GRID1: variants seen among roughly 807,000 people sequenced by gnomAD.
The protein encoded by GRID1 is glutamate ionotropic receptor delta type subunit 1.
A neutral mutation model predicts 98.0 loss-of-function variants in GRID1; 28 were observed. The ratio of observed to expected loss-of-function variants is 0.29; its 90% CI spans 0.21 to 0.39. The LOEUF is 0.39. GRID1 is among the 10% of genes least tolerant of loss of function. The probability of loss-of-function intolerance (pLI) is 1.00; values close to 1 mark genes in which losing one functional copy is unlikely to be tolerated. For synonymous variants in GRID1, 553 were observed against 538.5 expected (o/e 1.03, Z -0.37); for missense variants, 1,111 against 1,340.5 (o/e 0.83, Z 2.67).
intron 3 of GRID1, among the ~76,000 whole-genome samples, chr10:86,143,481 C>A (rs535045785): frequency 1.3e-5 from 2 of 152,292 alleles, no homozygotes; most frequent in South Asian, 2.1e-4. Flanking sequence ...ACTTCCCCCA[C>A]TGGGCCACAC....
chr10:85,802,559 T>C (rs1842586306), intron 8 of GRID1, among the ~76,000 whole-genome samples: 1 of 152,054 alleles, frequency 6.6e-6, no homozygotes, highest in African/African-American at 2.4e-5. Flanking sequence ...CCAACTCATA[T>C]TATGCACAAA....
chr10:85,723,393 G>A (rs760670519), intron 11 of GRID1, among the ~76,000 whole-genome samples: 9 of 152,178 alleles, frequency 5.9e-5, no homozygotes, highest in Non-Finnish European at 1.2e-4. Context: ...TGGTGCGAAG[G>A]TTGTCAAAAC....
intron 2 of GRID1, among the ~76,000 whole-genome samples, chr10:86,270,645 G>A (rs1564724954): frequency 6.6e-6 from 1 of 152,072 alleles, no homozygotes; most frequent in Non-Finnish European, 1.5e-5. Flanking sequence ...AGCCGAGATT[G>A]TGCCACTGCA....
At chr10:85,832,387 T>G (rs1432903934) in intron 8 of GRID1, among the ~76,000 whole-genome samples, 1 of 152,050 alleles carries the variant, frequency 6.6e-6, no homozygotes, top group Non-Finnish European at 1.5e-5. Context: ...ATAAGAAAAT[T>G]TCAGACAAAT....
intron 2 of GRID1, among the ~76,000 whole-genome samples, chr10:86,221,283 T>C (rs909283033): frequency 4.6e-5 from 7 of 152,200 alleles, no homozygotes; most frequent in African/African-American, 1.7e-4. Flanking sequence ...AGAGGAACTT[T>C]AGAGAATCCT....
intron 3 of GRID1, among the ~76,000 whole-genome samples, chr10:86,172,159 C>T (rs931960853): frequency 1.1e-4 from 17 of 152,174 alleles, no homozygotes; most frequent in Admixed American, 2.0e-4. Flanking sequence ...TCTCTACACT[C>T]CCCTACCCCC....
At chr10:86,026,511 T>G (rs1843119092) in intron 4 of GRID1, among the ~76,000 whole-genome samples, 1 of 152,166 alleles carries the variant, frequency 6.6e-6, no homozygotes, top group African/African-American at 2.4e-5. Flanking sequence ...CAGGCTCGCT[T>G]TTGTTGAAAT....
At chr10:86,340,387 T>G (rs1001546676) in intron 2 of GRID1, among the ~76,000 whole-genome samples, 3 of 152,310 alleles carry the variant, frequency 2.0e-5, no homozygotes, top group Admixed American at 6.5e-5. Context: ...GCAGAAAACG[T>G]GCACCACGGA....
At chr10:86,108,629 T>G (rs944511308) in intron 4 of GRID1, among the ~76,000 whole-genome samples, 1 of 152,196 alleles carries the variant, frequency 6.6e-6, no homozygotes, top group African/African-American at 2.4e-5. Context: ...TCACATGCCA[T>G]CCCCAGCACC....
chr10:85,620,001 A>T lies in GRID1; in HGVS notation c.2226T>A (p.Asp742Glu). ...AKKGNYAFLW[D>E]VAVVEYAALT... Reference sequence around the variant, plus strand: ...GGGCTGCGTATTCCACCACGGCCACATCCCACAGGAAGGCGTAGTTCCCCT... The same window carrying T: ...GGGCTGCGTATTCCACCACGGCCACTTCCCACAGGAAGGCGTAGTTCCCCT... The change falls in exon 14 of 16, where the codon GAT (aspartate) becomes GAA (glutamate). Residue 742 changes from aspartate (D) to glutamate (E), a missense_variant. Transcript: ENST00000327946. 6.2e-7 allele frequency: 1 copy of T among 1,614,144 alleles called. No individual in the cohort carries two copies. Among genetic ancestry groups the T allele is most frequent in the Non-Finnish European group, 8.5e-7 (1 of 1,179,968 alleles).
Position 86,366,444 on chromosome 10 carries a change from A to C in GRID1, c.-52T>G, listed in dbSNP as rs1202372851. The C allele has an allele frequency of 3.0e-6, 4 of 1,336,396 alleles. No individual in the cohort carries two copies. The highest frequency in any genetic ancestry group is 4.0e-6 in the Non-Finnish European group (4 of 998,566). The allele number at this position is 1,336,396 out of a possible 1,614,324, so 82.8% of individuals were successfully genotyped here. On this transcript the variant is annotated 5_prime_UTR_variant, in exon 1 of 16. Coordinates refer to ENST00000327946, the MANE Select transcript of GRID1 (RefSeq NM_017551.3). The surrounding 1 kb of genome is among the most constrained non-coding windows in gnomAD (Gnocchi z 4.1). Reference sequence around the variant, plus strand: ...CCGGGCCCGGGGCGAGGCCGAGGGCAGCGCGAAGCGGGGAGGCGCTGGTCC... The same window carrying C: ...CCGGGCCCGGGGCGAGGCCGAGGGCCGCGCGAAGCGGGGAGGCGCTGGTCC...
intron 13 of GRID1, among the ~76,000 whole-genome samples, chr10:85,626,289 C>T (rs1214755066): frequency 6.6e-6 from 1 of 152,204 alleles, no homozygotes; most frequent in African/African-American, 2.4e-5. Flanking sequence ...AACAGTGGAG[C>T]CATGTCAACC....
At chr10:85,634,661 T>G (rs2132538907) in intron 13 of GRID1, among the ~76,000 whole-genome samples, 1 of 152,328 alleles carries the variant, frequency 6.6e-6, no homozygotes, top group African/African-American at 2.4e-5. Flanking sequence ...CATATTAATT[T>G]CTTTGTGAAT....
chr10:85,815,266 T>G (rs1450311040), intron 8 of GRID1, among the ~76,000 whole-genome samples: 1 of 152,052 alleles, frequency 6.6e-6, no homozygotes, highest in East Asian at 1.9e-4. Flanking sequence ...AAGACATCTT[T>G]TTAAAAATCT....
intron 5 of GRID1, among the ~76,000 whole-genome samples, chr10:85,891,853 A>T (rs1841205550): frequency 6.6e-6 from 1 of 152,140 alleles, no homozygotes; most frequent in African/African-American, 2.4e-5. Flanking sequence ...ATAAAGAAGT[A>T]AGAAAATACA....
chr10:85,878,765 T>C (rs1840947246), intron 5 of GRID1, among the ~76,000 whole-genome samples: 1 of 151,826 alleles, frequency 6.6e-6, no homozygotes, highest in Non-Finnish European at 1.5e-5. Context: ...AATTCACACA[T>C]AACAATATTA....
At chr10:86,066,234 A>G (rs1843718335) in intron 4 of GRID1, among the ~76,000 whole-genome samples, 1 of 152,186 alleles carries the variant, frequency 6.6e-6, no homozygotes, top group Non-Finnish European at 1.5e-5. Flanking sequence ...AGAGAGACGA[A>G]TTCAGGGATG....
chr10:86,285,857 A>G (rs998316818), intron 2 of GRID1, among the ~76,000 whole-genome samples: 1 of 152,258 alleles, frequency 6.6e-6, no homozygotes, highest in Non-Finnish European at 1.5e-5. Context: ...TTTCTCATCA[A>G]CATTGTAATG....
At chr10:85,948,795 T>C (rs751424703) in intron 4 of GRID1, among the ~76,000 whole-genome samples, 2 of 152,194 alleles carry the variant, frequency 1.3e-5, no homozygotes, top group Non-Finnish European at 2.9e-5. Context: ...TCTAAGTATA[T>C]ACAGTATTTT....
Sources: gnomAD v4.1 joint callset for allele counts (sites outside exome capture counted in the v4.1 genomes callset) on GRCh38, gnomAD v4.1.1 for gene constraint, Gnocchi (gnomAD v3.1) non-coding constraint, MANE v1.5 for transcripts, NCBI Gene and HGNC (gene_info 2026-07-23, HGNC 2026-07-21) for gene names.